Variants in STAU2 observed in about 807,000 individuals in gnomAD.
STAU2 encodes staufen double-stranded RNA binding protein 2.
Under a neutral mutation model 65.9 loss-of-function variants are expected in STAU2, and 20 were observed. The observed-to-expected ratio is 0.30, with a 90% CI of 0.21 to 0.44. The LOEUF is 0.44. STAU2 is among the 20% of genes least tolerant of loss of function. STAU2 has a pLI of 1.00. For missense variants in STAU2, 558 were observed against 683.9 expected (o/e 0.82, Z 2.05); for synonymous variants, 232 against 233.9 (o/e 0.99, Z 0.07).
At position 73,573,607 on chromosome 8, in the gene STAU2, TA is replaced by T. The variant is rs532983155; in HGVS notation, c.1222+9162del. Among the ~76,000 whole-genome samples, 618 of 152,212 alleles carry T rather than the reference TA, an allele frequency of 4.1e-3. 7 individuals carry two copies. The highest frequency in any genetic ancestry group is 0.013 in the African/African-American group (554 of 41,516). ...CCTCAGAAATAATACCACACATTTA[TA>T]ACCATCTGATCTTTGACAAACCTGC... On this transcript the variant is annotated intron_variant, in intron 12 of 14. Transcript: ENST00000524300.
intron 13 of STAU2, among the ~76,000 whole-genome samples, chr8:73,429,573 C>T (rs961209975): frequency 1.3e-5 from 2 of 151,408 alleles, no homozygotes; most frequent in East Asian, 3.9e-4. Flanking sequence ...GCTGGGACTA[C>T]AGGCAGGCAC....
intron 5 of STAU2, among the ~76,000 whole-genome samples, chr8:73,679,846 G>A (rs1299788077): frequency 1.3e-5 from 2 of 150,482 alleles, no homozygotes; most frequent in African/African-American, 2.4e-5. Flanking sequence ...CAAGATCAAC[G>A]CCACTGCACT....
intron 3 of STAU2, among the ~76,000 whole-genome samples, chr8:73,737,147 G>A (rs918202085): frequency 3.3e-5 from 5 of 151,562 alleles, no homozygotes; most frequent in African/African-American, 9.7e-5. Flanking sequence ...GATTACAGGC[G>A]TGAGCGACCA....
At chr8:73,586,992 A>T (rs1810423096) in intron 11 of STAU2, among the ~76,000 whole-genome samples, 1 of 152,206 alleles carries the variant, frequency 6.6e-6, no homozygotes, top group Non-Finnish European at 1.5e-5. Context: ...GAATTTCTAG[A>T]TTAAAACTCA....
intron 13 of STAU2, chr8:73,511,611 A>G (rs12680328): frequency 0.75 from 114,132 of 152,794 alleles, 43,299 homozygotes; most frequent in East Asian, 0.91. Flanking sequence ...AAGAGAAGCC[A>G]CTGCTCCCTG....
At chr8:73,613,568 G>A (rs1306561622) in intron 9 of STAU2, among the ~76,000 whole-genome samples, 176 bp downstream of exon 9, 1 of 152,112 alleles carries the variant, frequency 6.6e-6, no homozygotes, top group Non-Finnish European at 1.5e-5. Context: ...CAGGTGCACA[G>A]GTATTTAAAA....
At chr8:73,687,249 A>T (rs1818920371) in intron 5 of STAU2, among the ~76,000 whole-genome samples, 1 of 81,046 alleles carries the variant, frequency 1.2e-5, no homozygotes, top group Non-Finnish European at 2.5e-5. Flanking sequence ...TTTAAATATA[A>T]ATTAATTTAT....
chr8:73,458,703 T>A (rs2128898487), intron 13 of STAU2: 1 of 152,374 alleles, frequency 6.6e-6, no homozygotes, highest in African/African-American at 2.4e-5. Flanking sequence ...CTGATCCTTG[T>A]CAGGTATATT....
chr8:73,523,182 C>A (rs1396628836), intron 13 of STAU2, among the ~76,000 whole-genome samples: 1 of 105,288 alleles, frequency 9.5e-6, no homozygotes, highest in Admixed American at 1.4e-4. Context: ...GGTGACAGAG[C>A]AAGACTTTGT....
intron 13 of STAU2, among the ~76,000 whole-genome samples, chr8:73,506,700 G>A (rs1396254333): frequency 2.0e-5 from 3 of 152,012 alleles, no homozygotes; most frequent in Non-Finnish European, 2.9e-5. Flanking sequence ...TTTGCTGCAC[G>A]GACTAACTCT....
At chr8:73,596,532 A>T (rs1300632300) in intron 10 of STAU2, among the ~76,000 whole-genome samples, 1 of 152,212 alleles carries the variant, frequency 6.6e-6, no homozygotes, top group African/African-American at 2.4e-5. Context: ...GTGATTGAAG[A>T]AGTAGTTAAA....
intron 4 of STAU2, among the ~76,000 whole-genome samples, chr8:73,696,330 A>C (rs1819691748): frequency 6.6e-6 from 1 of 152,246 alleles, no homozygotes; most frequent in Non-Finnish European, 1.5e-5. Flanking sequence ...CCAGACACCA[A>C]CAAGTATCTA....
intron 12 of STAU2, among the ~76,000 whole-genome samples, chr8:73,579,427 G>T (rs961805234): frequency 1.3e-5 from 2 of 152,146 alleles, no homozygotes; most frequent in African/African-American, 4.8e-5. Flanking sequence ...AAGAAACTAT[G>T]AACCTGCTTT....
At chr8:73,679,448 G>C (rs182946148) in intron 5 of STAU2, among the ~76,000 whole-genome samples, 1 of 152,178 alleles carries the variant, frequency 6.6e-6, no homozygotes, top group East Asian at 1.9e-4. Context: ...CCAAAACACC[G>C]TGAGTGCCCA....
intron 11 of STAU2, chr8:73,590,548 G>A (rs1447358234): frequency 6.6e-6 from 1 of 152,182 alleles, no homozygotes; most frequent in Non-Finnish European, 1.5e-5. Flanking sequence ...GAAATTTTCT[G>A]CTAGAGCAGT....
intron 5 of STAU2, among the ~76,000 whole-genome samples, chr8:73,680,037 A>G (rs1394406209): frequency 8.4e-6 from 1 of 119,580 alleles, no homozygotes; most frequent in African/African-American, 3.3e-5. Flanking sequence ...TGGGGAAGGC[A>G]GTCAGTGGAA....
intron 6 of STAU2, among the ~76,000 whole-genome samples, chr8:73,632,981 T>C (rs1814208683): frequency 6.6e-6 from 1 of 152,138 alleles, no homozygotes; most frequent in Admixed American, 6.5e-5. Flanking sequence ...CCAGGAATAG[T>C]GTTCTAGGAA....
chr8:73,448,977 C>T (rs1818638484), intron 13 of STAU2, among the ~76,000 whole-genome samples: 1 of 152,236 alleles, frequency 6.6e-6, no homozygotes, highest in East Asian at 1.9e-4. Context: ...GCTGGGAAGA[C>T]TTCCTGGACG....
intron 13 of STAU2, among the ~76,000 whole-genome samples, chr8:73,526,348 T>C (rs780777200): frequency 9.9e-5 from 15 of 152,222 alleles, no homozygotes; most frequent in Admixed American, 2.6e-4. Context: ...AATATCACAA[T>C]ACTTCCCCAC....
Sources: allele counts gnomAD v4.1 joint callset (sites outside exome capture counted in the v4.1 genomes callset), GRCh38; gene constraint gnomAD v4.1.1; transcripts MANE v1.5; gene names NCBI Gene and HGNC (gene_info 2026-07-23, HGNC 2026-07-21).